Variants in CDHR2 observed in about 807,000 individuals in gnomAD.
CDHR2 encodes the protein cadherin-related family member 2.
CDHR2 carries 104 observed loss-of-function variants against 138.6 expected under a neutral mutation model. The ratio of observed to expected loss-of-function variants is 0.75; its 90% CI spans 0.64 to 0.88. The LOEUF (loss-of-function observed/expected upper bound fraction) is 0.88, where lower values mean the gene tolerates loss of function less well. Among genes scored for constraint, CDHR2 ranks in the 40% least tolerant of loss-of-function variants. CDHR2 has a pLI of 0.00. For missense variants in CDHR2, 1,624 were observed against 1,727.6 expected, an observed-to-expected ratio of 0.94 and a Z score of 1.06; for synonymous variants, 755 against 742.8, an observed-to-expected ratio of 1.02 and a Z score of -0.27.
chr5:176,575,460 C>T (rs770930688), intron 9 of CDHR2, 34 bp downstream of exon 9: 79 of 1,613,914 alleles, frequency 4.9e-5, no homozygotes, highest in East Asian at 6.7e-5. Context: ...TGGGTGGAGG[C>T]GGGAGGCGGG....
At chr5:176,564,001 T>C (rs1758027282) in intron 1 of CDHR2, among the ~76,000 whole-genome samples, 1 of 152,076 alleles carries the variant, frequency 6.6e-6, no homozygotes, top group Admixed American at 6.5e-5. Flanking sequence ...CTGGGCAACA[T>C]AGTGAAACAC....
chr5:176,595,070 C>A (rs1758988701), intron 31 of CDHR2, among the ~76,000 whole-genome samples: 1 of 152,202 alleles, frequency 6.6e-6, no homozygotes, highest in Admixed American at 6.5e-5. Flanking sequence ...CACCAGTAGA[C>A]CTCTCTAAGC....
At position 176,554,658 on chromosome 5, in the gene CDHR2, T is replaced by TTTTTG. The variant is rs554050657; in HGVS notation, c.-16+5260_-16+5264dup. ...AATCTAGAAGGGTTTTTTGTTTTTG[T>TTTTTG]TTTTGTTTTGTTTTGTTTTGGAGAC... On this transcript the variant is annotated intron_variant, in intron 1 of 31. Coordinates refer to ENST00000261944, the MANE Select transcript of CDHR2 (RefSeq NM_017675.6). Among the ~76,000 whole-genome samples, 330 of 152,182 alleles carry TTTTTG rather than the reference T, an allele frequency of 2.2e-3. 1 individual carries two copies. The highest frequency in any genetic ancestry group is 7.6e-3 in the African/African-American group (314 of 41,514).
chr5:176,588,526 A>C (rs918611865), intron 21 of CDHR2, among the ~76,000 whole-genome samples: 2 of 127,536 alleles, frequency 1.6e-5, no homozygotes, highest in African/African-American at 6.3e-5. Flanking sequence ...CATGTGTGTG[A>C]GTGTGTTAGG....
rs146565963 is a variant in CDHR2 at position 176,565,753 on chromosome 5, G to A, written c.124+10G>A. The stretch of plus-strand genomic sequence containing the variant: ...GAGGACCTGCCTGTGGGTGAGTCCC[G>A]GTCCCTGTGTCTGCCCCATGTCAGG... On this transcript the variant is annotated intron_variant, in intron 3 of 31. Transcript: ENST00000261944. The A allele has an allele frequency of 6.2e-6, 10 of 1,610,988 alleles. No homozygotes were observed. The highest frequency in any genetic ancestry group is 5.0e-5 in the Admixed American group (3 of 59,846).
Position 176,561,575 on chromosome 5 carries a change from GA to G in CDHR2, c.-15-3762del, listed in dbSNP as rs370163211. On this transcript the variant is annotated intron_variant, in intron 1 of 31. Coordinates refer to ENST00000261944, the MANE Select transcript of CDHR2 (RefSeq NM_017675.6). ...GTGAGGTCACCATGGATGGGCGGAG[GA>G]GGCAGTTTCTCCTGTGGGAGCATTG... is the stretch of plus-strand genomic sequence containing the variant. Among the ~76,000 whole-genome samples the G allele has an allele frequency of 2.0e-4, 31 of 152,078 alleles. 1 individual carries two copies. The East Asian group carries it at 4.6e-3, about 23-fold the overall frequency.
rs1581122954 is a variant in CDHR2, at chr5:176,543,065, G to A, written c.-16+296G>A. Among the ~76,000 whole-genome samples, 1 of 152,000 alleles carries A rather than the reference G, an allele frequency of 6.6e-6. No homozygotes were observed. Among genetic ancestry groups the A allele is most frequent in the Admixed American group, 6.5e-5 (1 of 15,296 alleles). ...CCCCGAGTTGGGGCGTTTGGACCTA[G>A]CGGACGGGGAGAAGAGCGGCGCAGC... On this transcript the variant is annotated intron_variant, in intron 1 of 31. Transcript: ENST00000510636. This position sits in a 1 kb window ranked among gnomAD's most constrained non-coding sequence, Gnocchi z 4.0.
chr5:176,578,738 T>G lies in CDHR2; in HGVS notation c.1818+130T>G, dbSNP rs959514195. 3.9e-6 allele frequency: 5 copies of G among 1,277,520 alleles called. No individual in the cohort carries two copies. The African/African-American group carries it at 7.4e-5, about 19-fold the overall frequency. 79.1% of individuals were successfully genotyped at this position (1,277,520 alleles called of 1,614,324 possible). A position where few individuals can be genotyped will look rare whatever the true frequency, so the allele number is the denominator to read the frequency against. On this transcript the variant is annotated intron_variant, in intron 16 of 31. Coordinates refer to ENST00000261944, the MANE Select transcript of CDHR2 (RefSeq NM_017675.6). ...TGAGACAGTCACTCAGAGTCTCTGT[T>G]TCCTCCCAGGAAATGAAGAAAATTA...
intron 30 of CDHR2, among the ~76,000 whole-genome samples, chr5:176,592,441 TGGA>T (rs1758904707): frequency 7.4e-6 from 1 of 135,790 alleles, no homozygotes; most frequent in South Asian, 2.4e-4. Flanking sequence ...GTGGTGATGA[TGGA>T]TGATGACGGT....
intron 19 of CDHR2, 124 bp from the exon 20 acceptor site, chr5:176,585,830 G>A: frequency 1.4e-6 from 1 of 736,316 alleles, no homozygotes; most frequent in East Asian, 2.6e-5. Context: ...CAGGGTTGAG[G>A]CTGCGGGGCA....
Position 176,572,057 on chromosome 5 carries a change from G to C in CDHR2, c.405+755G>C, listed in dbSNP as rs983789058. On this transcript the variant is annotated intron_variant, in intron 6 of 31. Coordinates refer to ENST00000261944, the MANE Select transcript of CDHR2 (RefSeq NM_017675.6). ...TGCTTCTCTTATTGCCTCCATCCTGGGGGAAGAGAGGCAAGTCTCTCATGT... is the reference window on the plus strand; with the variant it reads ...TGCTTCTCTTATTGCCTCCATCCTGCGGGAAGAGAGGCAAGTCTCTCATGT... Among the ~76,000 whole-genome samples the C allele has an allele frequency of 5.3e-5, 8 of 152,048 alleles. No individual in the cohort carries two copies. In the South Asian group the frequency reaches 1.7e-3, roughly 32 times the overall value.
At position 176,555,514 on chromosome 5, in the gene CDHR2, C is replaced by G. The variant is rs114639406; in HGVS notation, c.-16+6100C>G. ...CCAAACTATAGCCCTGCTCTTGCCT[C>G]CCCTCCAGCCCTGCTGCCCCCAGTT... On this transcript the variant is annotated intron_variant, in intron 1 of 31. Transcript: ENST00000261944. Among the ~76,000 whole-genome samples the G allele has an allele frequency of 4.8e-3, 728 of 152,332 alleles. 8 individuals are homozygous for G. Among genetic ancestry groups the G allele is most frequent in the African/African-American group, 0.017 (690 of 41,570 alleles).
chr5:176,593,974 G>T (rs1402368807), intron 31 of CDHR2, among the ~76,000 whole-genome samples: 1 of 152,178 alleles, frequency 6.6e-6, no homozygotes, highest in Non-Finnish European at 1.5e-5. Flanking sequence ...AAACTCTAAT[G>T]AACATGTCTG....
chr5:176,553,575 AGTGAG>A lies in CDHR2; in HGVS notation c.-16+4163_-16+4167del, dbSNP rs1258524248. On this transcript the variant is annotated intron_variant, in intron 1 of 31. Coordinates refer to ENST00000261944, the MANE Select transcript of CDHR2 (RefSeq NM_017675.6). This position sits in a 1 kb window ranked among gnomAD's most constrained non-coding sequence, Gnocchi z 4.3. ...TGAAGGACAGAACATGAGAGAAAAA[AGTGAG>A]GAGGGAGGTAGGTTCCAGGTTACAG... is the stretch of plus-strand genomic sequence containing the variant. 2.0e-5 allele frequency among the ~76,000 whole-genome samples: 3 copies of A among 152,188 alleles called. No individual in the cohort carries two copies. Among genetic ancestry groups the A allele is most frequent in the Non-Finnish European group, 4.4e-5 (3 of 68,024 alleles).
rs757687820 is a variant in CDHR2, at chr5:176,589,193, G to A, written c.3008+11G>A. ...CGCTGGGAGCATTCAGTAACTGCGG[G>A]CGGCCCCGGGAGGGAGGTTGCGGGG... On this transcript the variant is annotated intron_variant, in intron 22 of 31. Transcript: ENST00000261944. 6.6e-5 allele frequency: 107 copies of A among 1,613,788 alleles called. No homozygotes were observed. The highest frequency in any genetic ancestry group is 3.3e-4 in the Middle Eastern group (2 of 6,080).
rs552485390 is a variant in CDHR2, at chr5:176,553,921, C to T, written c.-16+4507C>T. Among the ~76,000 whole-genome samples the T allele has an allele frequency of 8.5e-5, 13 of 152,332 alleles. No homozygotes were observed. Among genetic ancestry groups the T allele is most frequent in the South Asian group, 4.1e-4 (2 of 4,826 alleles). On this transcript the variant is annotated intron_variant, in intron 1 of 31. Transcript: ENST00000261944. This position sits in a 1 kb window ranked among gnomAD's most constrained non-coding sequence, Gnocchi z 4.3. ...CCTCACTCACTGCCCTTGACTCCAG[C>T]GCTATGATGTCACTCTCCAGGGTGT... is the stretch of plus-strand genomic sequence containing the variant.
At chr5:176,551,931 G>C (rs1246130852) in intron 1 of CDHR2, among the ~76,000 whole-genome samples, 1 of 151,678 alleles carries the variant, frequency 6.6e-6, no homozygotes, top group Non-Finnish European at 1.5e-5. Context: ...AGCCAGGATG[G>C]TCTCGATCTC....
At chr5:176,592,374 G>A (rs1758901142) in intron 30 of CDHR2, among the ~76,000 whole-genome samples, 1 of 149,744 alleles carries the variant, frequency 6.7e-6, no homozygotes, top group Non-Finnish European at 1.5e-5. Context: ...TGATGGTGGT[G>A]GTGATGGTTA....
At chr5:176,554,289 C>T (rs971139417) in intron 1 of CDHR2, among the ~76,000 whole-genome samples, 4 of 152,154 alleles carry the variant, frequency 2.6e-5, no homozygotes, top group Admixed American at 1.3e-4. Context: ...CCCTGGGGAG[C>T]GTGGATGGTC....
Sources: gnomAD v4.1 joint callset for allele counts (sites outside exome capture counted in the v4.1 genomes callset) on GRCh38, gnomAD v4.1.1 for gene constraint, Gnocchi (gnomAD v3.1) non-coding constraint, MANE v1.5 for transcripts, NCBI Gene and HGNC (gene_info 2026-07-23, HGNC 2026-07-21) for gene names.